Variants in ELAVL4 observed in about 807,000 individuals in gnomAD.
The protein encoded by ELAVL4 is ELAV like RNA binding protein 4.
Under a neutral mutation model 35.6 loss-of-function variants are expected in ELAVL4, and 1 was observed. The ratio of observed to expected loss-of-function variants is 0.03; its 90% confidence interval spans 0.01 to 0.13. The LOEUF is 0.13. Among genes scored for constraint, ELAVL4 ranks in the 10% least tolerant of loss-of-function variants. The probability of loss-of-function intolerance (pLI) is 1.00; values close to 1 mark genes in which losing one functional copy is unlikely to be tolerated. For synonymous variants in ELAVL4, 156 were observed against 171.0 expected, an observed-to-expected ratio of 0.91 and a Z score of 0.69; for missense variants, 267 against 464.9, an observed-to-expected ratio of 0.57 and a Z score of 3.91.
rs1278371896 is a variant in ELAVL4 at position 50,048,523 on chromosome 1, G to C, written c.18+341G>C. ...CCCAGCGACAGGCGACCCCGCAGCA[G>C]CCCCGCGCCACTCCTCTCTGCGCCT... On this transcript the variant is annotated intron_variant, in intron 1 of 6. Coordinates refer to the ELAVL4 transcript ENST00000448907. Among the ~76,000 whole-genome samples, 3 of 152,172 alleles carry C rather than the reference G, an allele frequency of 2.0e-5. No homozygotes were observed. In the East Asian group the frequency reaches 5.8e-4, roughly 29 times the overall value.
intron 2 of ELAVL4, among the ~76,000 whole-genome samples, chr1:50,154,723 T>C (rs1675401300): frequency 1.3e-5 from 2 of 151,360 alleles, no homozygotes; most frequent in African/African-American, 4.9e-5. Flanking sequence ...CTCTCTTTTC[T>C]TTGCCTGGTT....
intron 1 of ELAVL4, among the ~76,000 whole-genome samples, chr1:50,051,653 A>C (rs1272311340): frequency 3.9e-5 from 6 of 152,184 alleles, no homozygotes; most frequent in African/African-American, 1.4e-4. Flanking sequence ...ATGTGGAATG[A>C]CTTATTCACT....
intron 1 of ELAVL4, among the ~76,000 whole-genome samples, chr1:50,096,566 A>G (rs974935383): frequency 6.6e-6 from 1 of 151,960 alleles, no homozygotes; most frequent in African/African-American, 2.4e-5. Flanking sequence ...GCCTTGAAAA[A>G]AGCAATAAGG....
chr1:50,067,413 G>A (rs753522935), intron 1 of ELAVL4, among the ~76,000 whole-genome samples: 11 of 152,262 alleles, frequency 7.2e-5, no homozygotes, highest in Admixed American at 1.3e-4. Context: ...TCTACCTCAA[G>A]TGTCCAGAAG....
chr1:50,130,622 T>C lies in ELAVL4; in HGVS notation c.10-14335T>C, dbSNP rs144160711. On this transcript the variant is annotated intron_variant, in intron 1 of 6. Coordinates refer to ENST00000371824, the MANE Select transcript of ELAVL4 (RefSeq NM_001144774.3). ...AGTGTTTGTCATATTCCAGGCACTT[T>C]GTATGTACTTTTTCCATTACTACAC... 4.0e-4 allele frequency among the ~76,000 whole-genome samples: 61 copies of C among 152,314 alleles called. 1 individual carries two copies. In the East Asian group the frequency reaches 9.7e-3, roughly 24 times the overall value.
At chr1:50,150,563 A>G (rs1440177974) in intron 2 of ELAVL4, among the ~76,000 whole-genome samples, 2 of 152,192 alleles carry the variant, frequency 1.3e-5, no homozygotes, top group Non-Finnish European at 2.9e-5. Context: ...CACAGTATCT[A>G]TTAGAGCATC....
intron 1 of ELAVL4, among the ~76,000 whole-genome samples, chr1:50,135,576 G>A (rs1480033815): frequency 6.6e-6 from 1 of 152,138 alleles, no homozygotes; most frequent in African/African-American, 2.4e-5. Context: ...CCTTCTAGAA[G>A]AATGCCTTGG....
chr1:50,159,437 A>C lies in ELAVL4; in HGVS notation c.250+14240A>C, dbSNP rs1334235195. Reference sequence around the variant, plus strand: ...AGCCTGGCCAACATGGTGAAACCCCATCTCTACTAAAAATACAAAAAATTA... The same window carrying C: ...AGCCTGGCCAACATGGTGAAACCCCCTCTCTACTAAAAATACAAAAAATTA... On this transcript the variant is annotated intron_variant, in intron 2 of 6. Transcript: ENST00000371824. Among the ~76,000 whole-genome samples the C allele has an allele frequency of 3.9e-5, 6 of 152,186 alleles. No homozygotes were observed. The East Asian group carries it at 9.7e-4, about 25-fold the overall frequency.
upstream of ELAVL4, among the ~76,000 whole-genome samples, chr1:50,102,070 G>A (rs1006562219): frequency 8.5e-5 from 13 of 152,088 alleles, no homozygotes; most frequent in Non-Finnish European, 1.8e-4. Flanking sequence ...GGCAGATCAC[G>A]AGGTCAGGAG....
At chr1:50,075,901 C>T (rs901463818) in intron 1 of ELAVL4, among the ~76,000 whole-genome samples, 7 of 152,014 alleles carry the variant, frequency 4.6e-5, no homozygotes, top group Non-Finnish European at 8.8e-5. Flanking sequence ...GATCTCGGCT[C>T]GCTGCAACCT....
At chr1:50,168,280 C>A (rs1359205254) in intron 2 of ELAVL4, among the ~76,000 whole-genome samples, 1 of 152,132 alleles carries the variant, frequency 6.6e-6, no homozygotes, top group Non-Finnish European at 1.5e-5. Context: ...GCAGGAGTGT[C>A]CCCAGCTTCA....
At chr1:50,109,315 C>A in intron 1 of ELAVL4, 117 bp downstream of exon 1, 1 of 1,067,502 alleles carries the variant, frequency 9.4e-7, no homozygotes, top group South Asian at 1.6e-5. Flanking sequence ...CTGTTTGGTT[C>A]CTACATTTAC....
chr1:50,173,880 T>C (rs977358352), intron 2 of ELAVL4, among the ~76,000 whole-genome samples: 2 of 152,192 alleles, frequency 1.3e-5, no homozygotes, highest in African/African-American at 4.8e-5. Context: ...ATTTCTGGAA[T>C]ACAGATACAG....
At chr1:50,146,525 A>C (rs778884915) in intron 2 of ELAVL4, among the ~76,000 whole-genome samples, 1 of 152,168 alleles carries the variant, frequency 6.6e-6, no homozygotes, top group Non-Finnish European at 1.5e-5. Flanking sequence ...TATTATTGTA[A>C]GTACAGCTAG....
chr1:50,166,085 A>C (rs1302657941), intron 2 of ELAVL4, among the ~76,000 whole-genome samples: 1 of 152,010 alleles, frequency 6.6e-6, no homozygotes, highest in Non-Finnish European at 1.5e-5. Context: ...GATCGTGCCC[A>C]CTAGATTAAG....
At chr1:50,079,437 C>T (rs1664912965) in intron 1 of ELAVL4, among the ~76,000 whole-genome samples, 1 of 152,190 alleles carries the variant, frequency 6.6e-6, no homozygotes, top group South Asian at 2.1e-4. Context: ...ATGAGAAGCT[C>T]TGAAGCTAAG....
intron 3 of ELAVL4, among the ~76,000 whole-genome samples, chr1:50,189,251 TC>T (rs1345214942): frequency 1.3e-5 from 2 of 152,196 alleles, no homozygotes; most frequent in Non-Finnish European, 2.9e-5. Flanking sequence ...GGAACATTCT[TC>T]CTCAGGTCAT....
chr1:50,095,759 T>A (rs1394288819), intron 1 of ELAVL4, among the ~76,000 whole-genome samples: 1 of 152,186 alleles, frequency 6.6e-6, no homozygotes, highest in Non-Finnish European at 1.5e-5. Context: ...GACTAAGACT[T>A]TCCAGCTATG....
At chr1:50,116,633 A>G (rs1668008861) in intron 1 of ELAVL4, among the ~76,000 whole-genome samples, 1 of 151,944 alleles carries the variant, frequency 6.6e-6, no homozygotes, top group African/African-American at 2.4e-5. Flanking sequence ...AGCAGTAGTA[A>G]ATACTGCTCT....
Sources: gnomAD v4.1 joint callset for allele counts (sites outside exome capture counted in the v4.1 genomes callset) on GRCh38, gnomAD v4.1.1 for gene constraint, MANE v1.5 for transcripts, NCBI Gene and HGNC (gene_info 2026-07-23, HGNC 2026-07-21) for gene names.